Variants in PM20D2 observed in about 807,000 individuals in gnomAD.
PM20D2 encodes xaa-Arg dipeptidase.
A neutral mutation model predicts 42.9 loss-of-function variants in PM20D2; 33 were observed. The ratio of observed to expected loss-of-function variants is 0.77; its 90% CI spans 0.58 to 1.03. PM20D2 has a LOEUF of 1.03. PM20D2 is among the 50% of genes least tolerant of loss of function. The pLI is 0.00. For synonymous variants in PM20D2, 250 were observed against 228.2 expected, an observed-to-expected ratio of 1.10 and a Z score of -0.86; for missense variants, 548 against 557.0, an observed-to-expected ratio of 0.98 and a Z score of 0.16.
At chr6:89,113,148 CAT>C in the PM20D2 span, among the ~76,000 whole-genome samples, 2 of 152,092 alleles carry the variant, frequency 1.3e-5, no homozygotes, top group Non-Finnish European at 2.9e-5. Flanking sequence ...TATAATTTTA[CAT>C]ATGTTTTATT....
At chr6:89,128,729 C>A in the PM20D2 span, among the ~76,000 whole-genome samples, 24 of 152,134 alleles carry the variant, frequency 1.6e-4, no homozygotes, top group African/African-American at 3.4e-4. Context: ...TATGTGATGC[C>A]ACCCCCGGTG....
At chr6:89,103,962 C>A in the PM20D2 span, among the ~76,000 whole-genome samples, 1 of 150,116 alleles carries the variant, frequency 6.7e-6, no homozygotes, top group African/African-American at 2.4e-5. Flanking sequence ...TTTAGTCAAC[C>A]ACCTTTCACA....
the PM20D2 span, among the ~76,000 whole-genome samples, chr6:89,119,019 G>A: frequency 3.3e-5 from 5 of 152,198 alleles, no homozygotes; most frequent in African/African-American, 1.2e-4. Flanking sequence ...TGTGAAGAGT[G>A]CCCCTTTTCG....
At chr6:89,118,056 A>G in the PM20D2 span, 3 of 386,674 alleles carry the variant, frequency 7.8e-6, no homozygotes, top group Non-Finnish European at 1.2e-5. Flanking sequence ...GAGGGGGCGC[A>G]GCGCGGCGCC....
chr6:89,125,251 T>C, the PM20D2 span, among the ~76,000 whole-genome samples: 8,323 of 152,012 alleles, frequency 0.055, 679 homozygotes, highest in African/African-American at 0.18. Flanking sequence ...CAGGCCGAGG[T>C]GGGCGGATCA....
the PM20D2 span, among the ~76,000 whole-genome samples, chr6:89,121,775 C>T: frequency 1.2e-3 from 188 of 152,144 alleles, 1 homozygote; most frequent in African/African-American, 4.2e-3. Context: ...TATTGTTCTT[C>T]GAAGTAACTG....
chr6:89,105,713 C>G, the PM20D2 span: 2 of 404,360 alleles, frequency 4.9e-6, no homozygotes, highest in Non-Finnish European at 8.7e-6. Flanking sequence ...ACAAATGACC[C>G]ATTATGTTTA....
the PM20D2 span, chr6:89,105,295 C>T: frequency 3.5e-5 from 56 of 1,584,630 alleles, no homozygotes; most frequent in East Asian, 9.0e-5. Flanking sequence ...TGACATAATT[C>T]GTTACCTGAA....
chr6:89,146,314 A>C lies in PM20D2; in HGVS notation c.170A>C (p.His57Pro), dbSNP rs770480965. ...CCCGAGCTGGCCTACGAGGAGCACC[A>C]TGCCCACCGCGTGCTGACGCACTTC... ...SQPELAYEEH[H>P]AHRVLTHFFE... The change falls in exon 1 of 7, where the codon CAT becomes CCT. Residue 57 changes from histidine to proline, a missense_variant. Physicochemically the swap from His to Pro is moderately conservative, Grantham distance 77. Around this residue, in one of 3 missense-constraint regions of PM20D2, gnomAD observed 470 missense variants for 464.4 expected, o/e 1.01. Coordinates refer to ENST00000275072, the MANE Select transcript of PM20D2 (RefSeq NM_001010853.3). 6.3e-7 allele frequency: 1 copy of C among 1,580,032 alleles called. No homozygotes were observed. The highest frequency in any genetic ancestry group is 2.3e-5 in the East Asian group (1 of 43,990).
At chr6:89,144,757 A>AAT (rs1770464922), upstream of PM20D2, among the ~76,000 whole-genome samples, 1 of 152,224 alleles carries the variant, frequency 6.6e-6, no homozygotes, top group African/African-American at 2.4e-5. Context: ...TGAGCAGGAT[A>AAT]ATATTGGATC....
In PM20D2 at chr6:89,152,766, A is replaced by G. The variant is rs180851614; in HGVS notation, c.615-277A>G. On this transcript the variant is annotated intron_variant, in intron 2 of 6. Transcript: ENST00000275072. ...TTTTGTAATTTCAGCACCTGATACC[A>G]TATTGCATGTTTGCATTAGATTGTG... 2.2e-3 allele frequency among the ~76,000 whole-genome samples: 341 copies of G among 152,012 alleles called. 2 individuals are homozygous for G. Among genetic ancestry groups the G allele is most frequent in the African/African-American group, 7.8e-3 (324 of 41,442 alleles).
At chr6:89,109,725 C>G in the PM20D2 span, among the ~76,000 whole-genome samples, 4 of 152,200 alleles carry the variant, frequency 2.6e-5, no homozygotes, top group African/African-American at 9.6e-5. Flanking sequence ...TTTATTTTTG[C>G]ACTTTTGGTA....
chr6:89,118,093 G>GGGCGGGGGCGGC, the PM20D2 span: 161 of 155,746 alleles, frequency 1.0e-3, no homozygotes, highest in South Asian at 2.6e-3. Flanking sequence ...CCGGGGGCGG[G>GGGCGGGGGCGGC]GGCGGCGCCG....
intron 5 of PM20D2, among the ~76,000 whole-genome samples, chr6:89,160,786 GGT>G: frequency 6.6e-6 from 1 of 152,154 alleles, no homozygotes; most frequent in African/African-American, 2.4e-5. Flanking sequence ...TTTATGGGAA[GGT>G]GAAGTAAGTA....
At chr6:89,154,652 C>A (rs2127778672) in intron 3 of PM20D2, 96 bp from the exon 4 acceptor site, 2 of 883,750 alleles carry the variant, frequency 2.3e-6, no homozygotes, top group Non-Finnish European at 3.3e-6. Context: ...AATTATTTTT[C>A]TTTATGAACA....
the PM20D2 span, among the ~76,000 whole-genome samples, chr6:89,135,329 C>A: frequency 6.6e-6 from 1 of 151,076 alleles, no homozygotes; most frequent in Non-Finnish European, 1.5e-5. Context: ...AGAAAAGTTT[C>A]TTTTAGCTTC....
chr6:89,136,399 C>T, the PM20D2 span, among the ~76,000 whole-genome samples: 20 of 151,266 alleles, frequency 1.3e-4, no homozygotes, highest in Admixed American at 8.5e-4. Context: ...AACCAGAGGC[C>T]GGGCGCAGTG....
the PM20D2 span, among the ~76,000 whole-genome samples, chr6:89,128,833 G>A: frequency 5.3e-5 from 8 of 152,218 alleles, no homozygotes; most frequent in Admixed American, 5.2e-4. Flanking sequence ...TTGAAATATT[G>A]GGGGCGAGTT....
the PM20D2 span, among the ~76,000 whole-genome samples, chr6:89,130,628 C>T: frequency 1.3e-5 from 2 of 148,228 alleles, no homozygotes; most frequent in Admixed American, 6.7e-5. Context: ...TCTCCTTGAA[C>T]TTTTTTGTTT....
Sources: gnomAD v4.1 joint callset for allele counts (sites outside exome capture counted in the v4.1 genomes callset) on GRCh38, gnomAD v4.1.1 for gene constraint, gnomAD v4.1.1 regional missense constraint, MANE v1.5 for transcripts, NCBI Gene and HGNC (gene_info 2026-07-23, HGNC 2026-07-21) for gene names.